Variants in SYNE1 observed in about 807,000 individuals in gnomAD.
SYNE1 encodes the protein spectrin repeat containing nuclear envelope protein 1.
SYNE1 carries 616 observed loss-of-function variants against 1,111.0 expected under a neutral mutation model. The ratio of observed to expected loss-of-function variants is 0.55; its 90% CI spans 0.52 to 0.59. The LOEUF is 0.59. Ranked by LOEUF, SYNE1 falls within the 20% of genes least tolerant of loss-of-function variation. The pLI is 0.00. For missense variants in SYNE1, 10,006 were observed against 10,417.0 expected (o/e 0.96, Z 1.72); for synonymous variants, 3,855 against 3,825.8 (o/e 1.01, Z -0.28).
chr6:152,413,114 G>C (rs1025542960), intron 42 of SYNE1, among the ~76,000 whole-genome samples: 22 of 152,286 alleles, frequency 1.4e-4, no homozygotes, highest in Middle Eastern at 3.4e-3. Flanking sequence ...GCCTCCCAAA[G>C]TGCTGGGATT....
At chr6:152,151,426 A>AT in intron 135 of SYNE1, 127 bp downstream of exon 135, 1 of 1,168,782 alleles carries the variant, frequency 8.6e-7, no homozygotes, top group Non-Finnish European at 1.2e-6. Context: ...CATTTTCTGA[A>AT]TTTTTTTGCA....
intron 101 of SYNE1, among the ~76,000 whole-genome samples, chr6:152,260,684 G>A (rs1272701717): frequency 6.6e-6 from 1 of 150,982 alleles, no homozygotes; most frequent in Admixed American, 6.6e-5. Flanking sequence ...AACCTTTTTG[G>A]CACCAGGGGT....
intron 6 of SYNE1, among the ~76,000 whole-genome samples, chr6:152,520,114 T>C (rs2099131536): frequency 6.6e-6 from 1 of 152,098 alleles, no homozygotes; most frequent in South Asian, 2.1e-4. Flanking sequence ...CTAGAGTGGG[T>C]CCTGGAACAG....
At chr6:152,250,501 C>T (rs2088862085) in intron 104 of SYNE1, among the ~76,000 whole-genome samples, 1 of 152,052 alleles carries the variant, frequency 6.6e-6, no homozygotes, top group African/African-American at 2.4e-5. Flanking sequence ...AATGTAAATT[C>T]AGGTCTAAAA....
At chr6:152,136,206 G>A (rs961616249) in intron 141 of SYNE1, among the ~76,000 whole-genome samples, 4 of 152,164 alleles carry the variant, frequency 2.6e-5, no homozygotes, top group Non-Finnish European at 4.4e-5. Context: ...CACCACGTCT[G>A]CCATATGGTG....
At chr6:152,530,830 A>G (rs573947501) in intron 4 of SYNE1, among the ~76,000 whole-genome samples, 4 of 151,938 alleles carry the variant, frequency 2.6e-5, no homozygotes, top group African/African-American at 9.6e-5. Context: ...TCACCGTGTT[A>G]GCCAGGATGG....
In SYNE1 at chr6:152,318,989, C is replaced by G; in HGVS notation, c.16263G>C (p.Glu5421Asp). ...GTTCCTGGCTCGTGGCCTTGCTCTG[C>G]TCAACTTCTTTTATTTTGTCTTGGA... ...DQIQDKIKEV[E>D]QSKATSQELS... The change falls in exon 85 of 146, where the codon GAG (glutamate) becomes GAC (aspartate). Residue 5421 changes from glutamate (E) to aspartate (D), a missense_variant. This residue lies in a region of SYNE1 where 4,955 missense variants were observed against 5,017.2 expected (regional missense o/e 0.99). Coordinates refer to ENST00000367255, the MANE Select transcript of SYNE1 (RefSeq NM_182961.4). The G allele has an allele frequency of 6.2e-7, 1 of 1,614,148 alleles. No homozygotes were observed. The highest frequency in any genetic ancestry group is 1.1e-5 in the South Asian group (1 of 91,078).
chr6:152,278,452 T>A (rs1008202715), intron 97 of SYNE1, among the ~76,000 whole-genome samples, 172 bp from the exon 98 acceptor site: 7 of 151,956 alleles, frequency 4.6e-5, no homozygotes, highest in African/African-American at 7.2e-5. Context: ...GGCTTTTTTT[T>A]TATATTTTTT....
At chr6:152,423,733 C>A (rs1259590260) in intron 39 of SYNE1, among the ~76,000 whole-genome samples, 8 of 152,354 alleles carry the variant, frequency 5.3e-5, no homozygotes, top group Admixed American at 2.0e-4. Flanking sequence ...ACATCATCTA[C>A]TTCTCTGGTC....
In SYNE1 at chr6:152,326,111, A is replaced by G; in HGVS notation, c.15294-9T>C. 1 of 1,614,144 alleles carries G rather than the reference A, an allele frequency of 6.2e-7. No homozygotes were observed. Among genetic ancestry groups the G allele is most frequent in the Non-Finnish European group, 8.5e-7 (1 of 1,180,038 alleles). On this transcript the variant is annotated splice_polypyrimidine_tract_variant and intron_variant, in intron 79 of 145. Coordinates refer to ENST00000367255, the MANE Select transcript of SYNE1 (RefSeq NM_182961.4). Reference sequence around the variant, plus strand: ...GCCATTGAGCTGTGCATCTTGAAAGAGTCCAACAGAAACTGATAAGTAGCA... The same window carrying G: ...GCCATTGAGCTGTGCATCTTGAAAGGGTCCAACAGAAACTGATAAGTAGCA...
At chr6:152,472,200 G>T (rs746376341) in intron 15 of SYNE1, 101 bp downstream of exon 15, 1 of 971,490 alleles carries the variant, frequency 1.0e-6, no homozygotes, top group Non-Finnish European at 1.6e-6. Flanking sequence ...AAAGGTAGGC[G>T]CCTCTGTTAA....
chr6:152,201,098 A>G (rs1313469147), intron 127 of SYNE1, among the ~76,000 whole-genome samples: 1 of 152,220 alleles, frequency 6.6e-6, no homozygotes, highest in African/African-American at 2.4e-5. Flanking sequence ...GGCATGTTTA[A>G]TTTGAAAGAA....
intron 2 of SYNE1, among the ~76,000 whole-genome samples, chr6:152,633,486 G>C (rs1456232974): frequency 6.6e-6 from 1 of 152,142 alleles, no homozygotes; most frequent in Non-Finnish European, 1.5e-5. Context: ...AACAAAGGAG[G>C]GCAAGTATTG....
rs749395031 is a variant in SYNE1, at chr6:152,331,451, T to C, written c.13234A>G (p.Met4412Val). 2.5e-6 allele frequency: 4 copies of C among 1,614,186 alleles called. 1 individual carries two copies. Among genetic ancestry groups the C allele is most frequent in the South Asian group, 2.2e-5 (2 of 91,084 alleles). The change falls in exon 78 of 146, where the codon ATG (methionine) becomes GTG (valine). Residue 4412 changes from methionine (M) to valine (V), a missense_variant. Around this residue, in one of 7 missense-constraint regions of SYNE1, gnomAD observed 4,955 missense variants for 5,017.2 expected, o/e 0.99. Coordinates refer to ENST00000367255, the MANE Select transcript of SYNE1 (RefSeq NM_182961.4). Reference protein sequence around the residue: ...KSLIKDADRVMADLGLNERQV... With the variant: ...KSLIKDADRVVADLGLNERQV... The stretch of plus-strand genomic sequence containing the variant: ...CGCTCATTGAGACCAAGATCTGCCA[T>C]GACCCTGTCTGCGTCCTTTATAAGC...
rs756721149 is a variant in SYNE1, at chr6:152,225,840, C to A, written c.21232G>T (p.Val7078Leu). The stretch of plus-strand genomic sequence containing the variant: ...AGTCCATTCTGCTCAATTTTCTCTA[C>A]TTCTTTTTCTTTTGCTTTAATCAAA... Reference protein sequence around the residue: ...EDLIKAKEKEVEKIEQNGLAL... With the variant: ...EDLIKAKEKELEKIEQNGLAL... Residue 7078 changes from valine to leucine, a missense_variant, in exon 116 of 146, where the codon GTA becomes TTA. Physicochemically the swap from Val to Leu is conservative, Grantham distance 32 (BLOSUM62 1). Around this residue, in one of 7 missense-constraint regions of SYNE1, gnomAD observed 2,182 missense variants for 2,287.8 expected, o/e 0.95. Transcript: ENST00000367255. 1 of 1,613,818 alleles carries A rather than the reference C, an allele frequency of 6.2e-7. No individual in the cohort carries two copies. Among genetic ancestry groups the A allele is most frequent in the South Asian group, 1.1e-5 (1 of 91,058 alleles).
intron 98 of SYNE1, among the ~76,000 whole-genome samples, chr6:152,270,315 A>T (rs147043509): frequency 6.6e-6 from 1 of 152,330 alleles, no homozygotes; most frequent in African/African-American, 2.4e-5. Flanking sequence ...ACCATTTTAC[A>T]AATTCAAAGC....
At chr6:152,364,050 T>C (rs376063896) in intron 63 of SYNE1, among the ~76,000 whole-genome samples, 58 of 152,268 alleles carry the variant, frequency 3.8e-4, no homozygotes, top group African/African-American at 1.3e-3. Flanking sequence ...GGGAGGTAAT[T>C]GAATCATGGG....
intron 97 of SYNE1, among the ~76,000 whole-genome samples, chr6:152,280,493 G>T (rs952091182): frequency 6.6e-6 from 1 of 151,860 alleles, no homozygotes. Flanking sequence ...TGTGGACCAA[G>T]ACAATTCTTC....
At chr6:152,528,179 T>C (rs951688605) in intron 4 of SYNE1, among the ~76,000 whole-genome samples, 2 of 152,182 alleles carry the variant, frequency 1.3e-5, no homozygotes, top group Non-Finnish European at 2.9e-5. Context: ...CTGAGTCCTT[T>C]GTTCTTTACA....
Sources: allele counts gnomAD v4.1 joint callset (sites outside exome capture counted in the v4.1 genomes callset), GRCh38; gene constraint gnomAD v4.1.1; regional missense constraint gnomAD v4.1.1; transcripts MANE v1.5; gene names NCBI Gene and HGNC (gene_info 2026-07-23, HGNC 2026-07-21).